SCG5: variants seen among roughly 807,000 people sequenced by gnomAD.
The protein encoded by SCG5 is neuroendocrine protein 7B2.
SCG5 carries 18 observed loss-of-function variants against 25.7 expected under a neutral mutation model. That is an observed-to-expected ratio of 0.70 (90% CI 0.48 to 1.04). The LOEUF (loss-of-function observed/expected upper bound fraction) is 1.04. SCG5 is among the 50% of genes least tolerant of loss of function. The pLI, the probability that SCG5 is intolerant of heterozygous loss-of-function variation, is 0.00. For synonymous variants in SCG5, 101 were observed against 91.7 expected (o/e 1.10, Z -0.58); for missense variants, 206 against 259.8 (o/e 0.79, Z 1.42).
chr15:32,684,655 G>C lies in SCG5; in HGVS notation c.475G>C (p.Gly159Arg). The C allele has an allele frequency of 1.2e-6, 2 of 1,612,788 alleles. No homozygotes were observed. The highest frequency in any genetic ancestry group is 1.7e-6 in the Non-Finnish European group (2 of 1,179,032). The change falls in exon 4 of 6, where the codon GGC becomes CGC. Residue 159 changes from glycine (G) to arginine (R), a missense_variant. Transcript: ENST00000300175. ...CTTTGATCCGGAACATGACTATCCA[G>C]GCTTGGGCAAGTGGGTAAGTCCTAT... Reference protein sequence around the residue: ...HLFDPEHDYPGLGKWNKKLLY... With the variant: ...HLFDPEHDYPRLGKWNKKLLY...
chr15:32,694,192 A>G (rs780848211), intron 5 of SCG5, among the ~76,000 whole-genome samples: 1 of 152,156 alleles, frequency 6.6e-6, no homozygotes, highest in South Asian at 2.1e-4. Context: ...TCAGTTAAAT[A>G]TTTATCAAAA....
In SCG5 at chr15:32,697,086, G is replaced by A. The variant is rs1390706017; in HGVS notation, c.*477G>A. 6.5e-6 allele frequency: 1 copy of A among 153,378 alleles called. No homozygotes were observed. The highest frequency in any genetic ancestry group is 1.9e-4 in the East Asian group (1 of 5,224). The allele number at this position is 153,378 out of a possible 1,614,324, so 9.5% of individuals were successfully genotyped here. On this transcript the variant is annotated 3_prime_UTR_variant, in exon 6 of 6. Transcript: ENST00000300175. Reference sequence around the variant, plus strand: ...TGGCTGCGTCTTAATAAACATGAATGCAAGCATTGGCATATGGAGTTTTCT... The same window carrying A: ...TGGCTGCGTCTTAATAAACATGAATACAAGCATTGGCATATGGAGTTTTCT...
At chr15:32,692,087 TC>T (rs2054869350) in intron 5 of SCG5, 1 of 1,182,030 alleles carries the variant, frequency 8.5e-7, no homozygotes, top group African/African-American at 1.6e-5. Context: ...CTGTCTGCCC[TC>T]CCAGGGTCTG....
intron 2 of SCG5, chr15:32,672,872 A>G (rs976990317): frequency 1.3e-5 from 2 of 151,266 alleles, no homozygotes; most frequent in Non-Finnish European, 2.9e-5. Flanking sequence ...CGTTTTTAAT[A>G]AGGATGAAAG....
chr15:32,651,144 A>AGCCAAGATCGCCCATTGCACTCC (rs2054025703), intron 2 of SCG5, among the ~76,000 whole-genome samples: 1 of 152,328 alleles, frequency 6.6e-6, no homozygotes, highest in African/African-American at 2.4e-5. Flanking sequence ...GATTGCAGTG[A>AGCCAAGATCGCCCATTGCACTCC]GCCAAGATCG....
Position 32,696,257 on chromosome 15 carries a change from A to G in SCG5, c.544-257A>G, listed in dbSNP as rs1256305602. On this transcript the variant is annotated intron_variant, in intron 5 of 5. Coordinates refer to ENST00000300175, the MANE Select transcript of SCG5 (RefSeq NM_001144757.3). Reference sequence around the variant, plus strand: ...CTCAGCCTCCCAAGTAGCTGGGACTACAGGCACCCACCACCACGCCCGGCT... The same window carrying G: ...CTCAGCCTCCCAAGTAGCTGGGACTGCAGGCACCCACCACCACGCCCGGCT... 2.0e-5 allele frequency among the ~76,000 whole-genome samples: 3 copies of G among 152,108 alleles called. No homozygotes were observed. The East Asian group carries it at 5.8e-4, about 29-fold the overall frequency.
rs1364306008 is a variant in SCG5 at position 32,643,669 on chromosome 15, C to G, written c.77C>G (p.Ala26Gly). 1 of 1,613,842 alleles carries G rather than the reference C, an allele frequency of 6.2e-7. No homozygotes were observed. The highest frequency in any genetic ancestry group is 1.3e-5 in the African/African-American group (1 of 74,890). The change falls in exon 2 of 6, where the codon GCT becomes GGT. Residue 26 changes from alanine (A) to glycine (G), a missense_variant. Ala to Gly is a moderately conservative substitution (Grantham distance 60, BLOSUM62 0). Coordinates refer to ENST00000300175, the MANE Select transcript of SCG5 (RefSeq NM_001144757.3). ...WLASGWTPAF[A>G]YSPRTPDRVS... ...GCATCTGGATGGACTCCAGCATTTG[C>G]TTACAGCCCCCGGACCCCTGACCGG...
rs8026602 is a variant in SCG5 at position 32,663,581 on chromosome 15, C to A, written c.227-16185C>A. The stretch of plus-strand genomic sequence containing the variant: ...AAAACTACGTAGAACAATACTTTTC[C>A]TACCTGGTGGATCATCAGAATTACC... On this transcript the variant is annotated intron_variant, in intron 2 of 5. Coordinates refer to ENST00000300175, the MANE Select transcript of SCG5 (RefSeq NM_001144757.3). 4.6e-3 allele frequency among the ~76,000 whole-genome samples: 695 copies of A among 152,262 alleles called. 2 individuals carry two copies. The highest frequency in any genetic ancestry group is 7.0e-3 in the Non-Finnish European group (478 of 68,002).
At chr15:32,655,294 C>G (rs1021254403) in intron 2 of SCG5, among the ~76,000 whole-genome samples, 2 of 151,076 alleles carry the variant, frequency 1.3e-5, no homozygotes, top group Non-Finnish European at 2.9e-5. Context: ...GGCAACAGAG[C>G]GAGACTCTGT....
chr15:32,679,752 T>G lies in SCG5; in HGVS notation c.227-14T>G. On this transcript the variant is annotated splice_polypyrimidine_tract_variant and intron_variant, in intron 2 of 5. Coordinates refer to ENST00000300175, the MANE Select transcript of SCG5 (RefSeq NM_001144757.3). ...GAATTGCACTGCAATGAACTACTTCTGATTCCCTCGCAGGTGGAGCTCATG... is the reference window on the plus strand; with the variant it reads ...GAATTGCACTGCAATGAACTACTTCGGATTCCCTCGCAGGTGGAGCTCATG... 6.2e-7 allele frequency: 1 copy of G among 1,613,750 alleles called. No individual in the cohort carries two copies. Among genetic ancestry groups the G allele is most frequent in the South Asian group, 1.1e-5 (1 of 91,060 alleles).
At chr15:32,651,647 A>T (rs767901522) in intron 2 of SCG5, among the ~76,000 whole-genome samples, 1 of 152,188 alleles carries the variant, frequency 6.6e-6, no homozygotes. Flanking sequence ...GGACCGCCCA[A>T]TGGGCCCATG....
intron 1 of SCG5, among the ~76,000 whole-genome samples, chr15:32,643,262 T>TG (rs1361822110): frequency 6.6e-6 from 1 of 152,114 alleles, no homozygotes; most frequent in East Asian, 1.9e-4. Context: ...GAGAGAGTGA[T>TG]GAAGTTAGGA....
chr15:32,690,926 C>CG, intron 4 of SCG5, among the ~76,000 whole-genome samples: 1 of 151,082 alleles, frequency 6.6e-6, no homozygotes, highest in Admixed American at 6.6e-5. Context: ...AGTAAAGCCC[C>CG]CCCCCACCGC....
At chr15:32,674,657 G>A (rs964756057) in intron 2 of SCG5, among the ~76,000 whole-genome samples, 7 of 152,154 alleles carry the variant, frequency 4.6e-5, no homozygotes, top group Admixed American at 3.3e-4. Flanking sequence ...GCTGTTGGGG[G>A]CTTTGTTAAC....
At chr15:32,670,375 C>T (rs1054263845) in intron 2 of SCG5, among the ~76,000 whole-genome samples, 2 of 152,254 alleles carry the variant, frequency 1.3e-5, no homozygotes, top group African/African-American at 2.4e-5. Context: ...CCAGGGCCAG[C>T]CCTCTGCCCT....
At chr15:32,655,639 A>T (rs11071883) in intron 2 of SCG5, among the ~76,000 whole-genome samples, 116,564 of 152,104 alleles carry the variant, frequency 0.77, 44,846 homozygotes, top group Middle Eastern at 0.84. Flanking sequence ...TGCAATAGTA[A>T]TAAAAGATAG....
At chr15:32,685,115 A>G (rs1473793977) in intron 4 of SCG5, among the ~76,000 whole-genome samples, 1 of 152,238 alleles carries the variant, frequency 6.6e-6, no homozygotes, top group Non-Finnish European at 1.5e-5. Flanking sequence ...AAACAGATAT[A>G]TATAATTCTG....
At chr15:32,695,028 T>C (rs1349696146) in intron 5 of SCG5, among the ~76,000 whole-genome samples, 2 of 121,680 alleles carry the variant, frequency 1.6e-5, no homozygotes, top group Non-Finnish European at 3.6e-5. Flanking sequence ...TTTTTTTTTC[T>C]TTTTTGAGAT....
At chr15:32,667,454 G>A (rs936201104) in intron 2 of SCG5, among the ~76,000 whole-genome samples, 1 of 152,216 alleles carries the variant, frequency 6.6e-6, no homozygotes, top group Non-Finnish European at 1.5e-5. Context: ...TCTGTGAGGT[G>A]TATTTCCAGT....
Sources: gnomAD v4.1 joint callset for allele counts (sites outside exome capture counted in the v4.1 genomes callset) on GRCh38, gnomAD v4.1.1 for gene constraint, MANE v1.5 for transcripts, NCBI Gene and HGNC (gene_info 2026-07-23, HGNC 2026-07-21) for gene names.